IPO11: variants seen among roughly 807,000 people sequenced by gnomAD.
IPO11 encodes the protein importin-11.
In IPO11, 66 loss-of-function variants were observed where a neutral mutation model predicts 143.2. That is an observed-to-expected ratio of 0.46 (90% CI 0.38 to 0.57). The LOEUF (loss-of-function observed/expected upper bound fraction) is 0.57, where lower values mean the gene tolerates loss of function less well. IPO11 is among the 20% of genes least tolerant of loss of function. The pLI is 0.00. For synonymous variants in IPO11, 385 were observed against 377.8 expected (o/e 1.02, Z -0.22); for missense variants, 1,026 against 1,141.0 (o/e 0.90, Z 1.45).
chr5:62,456,265 A>G (rs1463100649), intron 5 of IPO11, among the ~76,000 whole-genome samples: 2 of 152,026 alleles, frequency 1.3e-5, no homozygotes, highest in African/African-American at 4.8e-5. Context: ...ACTCTCCCAT[A>G]ATGCTGGGAT....
chr5:62,528,396 A>G lies in IPO11; in HGVS notation c.2012+2139A>G, dbSNP rs563952817. On this transcript the variant is annotated intron_variant, in intron 21 of 29. Transcript: ENST00000325324. ...TGAAGAATGAATTGAAGGTAAGTCC[A>G]TACAGACTATGCACACTGATAACTT... 2.0e-5 allele frequency among the ~76,000 whole-genome samples: 3 copies of G among 152,358 alleles called. No homozygotes were observed. In the East Asian group the frequency reaches 5.8e-4, roughly 29 times the overall value.
Position 62,474,405 on chromosome 5 carries a change from T to C in IPO11, c.709-11T>C. ...ATAAATTGAGATATTTAAAATAATATTCTTTTCTAGGGTTTTTTACATGGA... is the reference window on the plus strand; with the variant it reads ...ATAAATTGAGATATTTAAAATAATACTCTTTTCTAGGGTTTTTTACATGGA... On this transcript the variant is annotated splice_polypyrimidine_tract_variant and intron_variant, in intron 7 of 29. Coordinates refer to ENST00000325324, the MANE Select transcript of IPO11 (RefSeq NM_016338.5). 1 of 1,477,374 alleles carries C rather than the reference T, an allele frequency of 6.8e-7. No individual in the cohort carries two copies. Among genetic ancestry groups the C allele is most frequent in the Non-Finnish European group, 9.2e-7 (1 of 1,083,978 alleles). The allele number at this position is 1,477,374 out of a possible 1,614,324, so 91.5% of individuals were successfully genotyped here. A position where few individuals can be genotyped will look rare whatever the true frequency, so the allele number is the denominator to read the frequency against.
intron 24 of IPO11, among the ~76,000 whole-genome samples, chr5:62,548,465 A>G (rs1229498011): frequency 2.0e-5 from 3 of 152,090 alleles, no homozygotes; most frequent in Admixed American, 6.6e-5. Flanking sequence ...GTTTATTTAA[A>G]TGCATTCCAT....
At chr5:62,447,787 A>G (rs1416074760) in intron 3 of IPO11, among the ~76,000 whole-genome samples, 3 of 152,010 alleles carry the variant, frequency 2.0e-5, no homozygotes, top group Non-Finnish European at 2.9e-5. Flanking sequence ...GGGTTTCGCC[A>G]TGTTGATCAG....
chr5:62,610,932 G>A (rs1260788967), intron 29 of IPO11, among the ~76,000 whole-genome samples: 1 of 151,916 alleles, frequency 6.6e-6, no homozygotes. Flanking sequence ...CTTATTACCA[G>A]GCCAGTTTCT....
At chr5:62,430,569 G>C (rs1057158116) in intron 1 of IPO11, among the ~76,000 whole-genome samples, 1 of 151,828 alleles carries the variant, frequency 6.6e-6, no homozygotes, top group Non-Finnish European at 1.5e-5. Context: ...CAAACTGCCC[G>C]CCTCAGCCTC....
intron 27 of IPO11, among the ~76,000 whole-genome samples, chr5:62,585,686 G>C (rs531832488): frequency 1.3e-5 from 2 of 152,270 alleles, no homozygotes; most frequent in African/African-American, 2.4e-5. Context: ...GCCGTATAGA[G>C]AACAGATTAG....
At chr5:62,603,170 C>T (rs568966710) in intron 29 of IPO11, among the ~76,000 whole-genome samples, 2 of 152,298 alleles carry the variant, frequency 1.3e-5, no homozygotes, top group South Asian at 4.1e-4. Context: ...CACCGAACTT[C>T]TTAATAAAGA....
chr5:62,504,920 TA>T (rs774217989), intron 18 of IPO11, 22 bp downstream of exon 18: 25 of 1,428,548 alleles, frequency 1.8e-5, no homozygotes, highest in Admixed American at 6.6e-5. Flanking sequence ...CATTTCCAGG[TA>T]TTTTTTTTAA....
intron 19 of IPO11, among the ~76,000 whole-genome samples, chr5:62,508,851 C>T (rs763290544): frequency 1.3e-5 from 2 of 151,952 alleles, no homozygotes; most frequent in African/African-American, 2.4e-5. Flanking sequence ...TGAGAACATG[C>T]GGTGTTTGGT....
chr5:62,553,776 A>G (rs778904617), intron 26 of IPO11, among the ~76,000 whole-genome samples: 1 of 151,942 alleles, frequency 6.6e-6, no homozygotes, highest in African/African-American at 2.4e-5. Flanking sequence ...TTTTTGAGAC[A>G]GAGTCTCACT....
chr5:62,428,321 G>C lies in IPO11; in HGVS notation c.-6-8953G>C, dbSNP rs576771137. Among the ~76,000 whole-genome samples the C allele has an allele frequency of 2.0e-5, 3 of 152,020 alleles. No homozygotes were observed. The East Asian group carries it at 5.8e-4, about 29-fold the overall frequency. The stretch of plus-strand genomic sequence containing the variant: ...CTGAGATTCAGGTGTGAGCCACCAT[G>C]CCTGGCCTATATAAGTCACATTTTA... On this transcript the variant is annotated intron_variant, in intron 1 of 29. Coordinates refer to ENST00000325324, the MANE Select transcript of IPO11 (RefSeq NM_016338.5).
rs1744283433 is a variant in IPO11 at position 62,437,519 on chromosome 5, C to G, written c.138+102C>G. 3 of 1,022,348 alleles carry G rather than the reference C, an allele frequency of 2.9e-6. No individual in the cohort carries two copies. In the South Asian group the frequency reaches 5.6e-5, roughly 19 times the overall value. The allele number at this position is 1,022,348 out of a possible 1,614,324, so 63.3% of individuals were successfully genotyped here. On this transcript the variant is annotated intron_variant, in intron 2 of 29. Transcript: ENST00000325324. ...TATTGGTAGTTTAGTGAAATAGATTCAGATGTTTGGCTGCTGATGCCTTTG... is the reference window on the plus strand; with the variant it reads ...TATTGGTAGTTTAGTGAAATAGATTGAGATGTTTGGCTGCTGATGCCTTTG...
At chr5:62,570,762 T>C (rs1012100572) in intron 27 of IPO11, among the ~76,000 whole-genome samples, 1 of 152,210 alleles carries the variant, frequency 6.6e-6, no homozygotes, top group African/African-American at 2.4e-5. Flanking sequence ...GGCAAACTGT[T>C]TTCTTATGTA....
At chr5:62,614,709 C>T (rs753522138) in intron 29 of IPO11, among the ~76,000 whole-genome samples, 10 of 151,302 alleles carry the variant, frequency 6.6e-5, no homozygotes, top group Admixed American at 1.3e-4. Context: ...CCCAAGTGTG[C>T]GTGTGTGTGT....
chr5:62,599,161 A>G (rs1037969714), intron 28 of IPO11, among the ~76,000 whole-genome samples: 1 of 152,194 alleles, frequency 6.6e-6, no homozygotes, highest in Non-Finnish European at 1.5e-5. Flanking sequence ...TGCTTTAACA[A>G]AGCCCTTCAA....
chr5:62,539,423 A>G (rs1381727333), intron 24 of IPO11, among the ~76,000 whole-genome samples: 1 of 152,230 alleles, frequency 6.6e-6, no homozygotes, highest in African/African-American at 2.4e-5. Flanking sequence ...GATTAAGGGC[A>G]TTCCCTAATA....
At position 62,506,248 on chromosome 5, in the gene IPO11, A is replaced by C. The variant is rs1276734759; in HGVS notation, c.1673A>C (p.Glu558Ala). ...FRTDQFLPYL[E>A]TMFTLLFQLL... The stretch of plus-strand genomic sequence containing the variant: ...CTTTCTTTTTACCTGCAGTATTTGG[A>C]AACCATGTTCACACTACTTTTTCAG... The change falls in exon 19 of 30, where the codon GAA (glutamate) becomes GCA (alanine). Residue 558 changes from glutamate to alanine, a missense_variant. Glu to Ala is a moderately radical substitution (Grantham distance 107, BLOSUM62 -1). This residue lies in a region of IPO11 where 237 missense variants were observed against 288.0 expected (regional missense o/e 0.82). Transcript: ENST00000325324. The C allele has an allele frequency of 2.5e-6, 4 of 1,595,334 alleles. No individual in the cohort carries two copies. The highest frequency in any genetic ancestry group is 3.4e-6 in the Non-Finnish European group (4 of 1,167,618).
intron 4 of IPO11, among the ~76,000 whole-genome samples, chr5:62,450,678 C>A (rs1411460171): frequency 1.1e-4 from 14 of 130,350 alleles, no homozygotes; most frequent in East Asian, 4.3e-4. Context: ...AAAAAAAAAA[C>A]AACTCAGAAT....
Sources: allele counts gnomAD v4.1 joint callset (sites outside exome capture counted in the v4.1 genomes callset), GRCh38; gene constraint gnomAD v4.1.1; regional missense constraint gnomAD v4.1.1; transcripts MANE v1.5; gene names NCBI Gene and HGNC (gene_info 2026-07-23, HGNC 2026-07-21).